Variants in ITFG1 observed in about 807,000 individuals in gnomAD.
The protein encoded by ITFG1 is T-cell immunomodulatory protein.
Under a neutral mutation model 81.8 loss-of-function variants are expected in ITFG1, and 34 were observed. The observed-to-expected ratio is 0.42, with a 90% CI of 0.32 to 0.55. The LOEUF (loss-of-function observed/expected upper bound fraction) is 0.55, where lower values mean the gene tolerates loss of function less well. Ranked by LOEUF, ITFG1 falls within the 20% of genes least tolerant of loss-of-function variation. ITFG1 has a pLI of 0.17. For missense variants in ITFG1, 672 were observed against 755.4 expected, an observed-to-expected ratio of 0.89 and a Z score of 1.29; for synonymous variants, 285 against 270.6, an observed-to-expected ratio of 1.05 and a Z score of -0.52.
intron 8 of ITFG1, among the ~76,000 whole-genome samples, chr16:47,354,262 G>C (rs1968008438): frequency 1.3e-5 from 2 of 152,154 alleles, no homozygotes; most frequent in East Asian, 3.9e-4. Context: ...TCTACAGCCA[G>C]CTGATCTTTG....
In ITFG1 at chr16:47,446,366, G is replaced by A. The variant is rs1422521007; in HGVS notation, c.560+5030C>T. 2.0e-5 allele frequency among the ~76,000 whole-genome samples: 3 copies of A among 152,134 alleles called. No homozygotes were observed. The East Asian group carries it at 5.8e-4, about 29-fold the overall frequency. On this transcript the variant is annotated intron_variant, in intron 5 of 17. Transcript: ENST00000320640. ...CTGGATAAATCTTAAGGACCTCTCA[G>A]CAATAATGTCTCAGGTACATAAGAG...
intron 13 of ITFG1, among the ~76,000 whole-genome samples, chr16:47,226,141 AAT>A (rs1384858600): frequency 6.6e-6 from 1 of 152,378 alleles, no homozygotes; most frequent in East Asian, 1.9e-4. Context: ...AAGCTGGATT[AAT>A]ATGAACTAGA....
chr16:47,271,050 C>T (rs1051218097), intron 10 of ITFG1, among the ~76,000 whole-genome samples: 2 of 152,044 alleles, frequency 1.3e-5, no homozygotes, highest in African/African-American at 4.8e-5. Context: ...ATTTACTCTG[C>T]CAATTAAACC....
At chr16:47,229,815 G>GA (rs1965796051) in intron 13 of ITFG1, among the ~76,000 whole-genome samples, 1 of 152,288 alleles carries the variant, frequency 6.6e-6, no homozygotes, top group Non-Finnish European at 1.5e-5. Flanking sequence ...TGATGTTCAG[G>GA]AAAGTGGTTG....
intron 8 of ITFG1, among the ~76,000 whole-genome samples, chr16:47,349,801 T>C (rs150302483): frequency 1.1e-4 from 16 of 152,270 alleles, no homozygotes; most frequent in Non-Finnish European, 2.2e-4. Flanking sequence ...ACTGACCACA[T>C]AGTTGGAAGT....
chr16:47,380,672 G>A (rs1347986323), intron 6 of ITFG1, among the ~76,000 whole-genome samples: 1 of 152,146 alleles, frequency 6.6e-6, no homozygotes, highest in Non-Finnish European at 1.5e-5. Flanking sequence ...AGATTTGGTG[G>A]CTTGGCGACT....
At chr16:47,324,028 A>T (rs373022687) in intron 8 of ITFG1, among the ~76,000 whole-genome samples, 80 of 152,332 alleles carry the variant, frequency 5.3e-4, no homozygotes, top group African/African-American at 1.8e-3. Flanking sequence ...AAATATGTGT[A>T]TATTTAACTA....
chr16:47,352,038 C>T (rs921422065), intron 8 of ITFG1, among the ~76,000 whole-genome samples: 65 of 152,196 alleles, frequency 4.3e-4, no homozygotes, highest in African/African-American at 1.5e-3. Context: ...CCCTTCCTTA[C>T]ACCTTATACA....
intron 6 of ITFG1, among the ~76,000 whole-genome samples, chr16:47,386,790 A>C (rs889377285): frequency 7.2e-5 from 11 of 152,240 alleles, no homozygotes; most frequent in African/African-American, 2.7e-4. Context: ...GTCAGGCTGT[A>C]ACAGGCAGCT....
At chr16:47,351,734 A>C (rs1482850413) in intron 8 of ITFG1, among the ~76,000 whole-genome samples, 2 of 152,188 alleles carry the variant, frequency 1.3e-5, no homozygotes, top group African/African-American at 4.8e-5. Flanking sequence ...ACGGAACCAA[A>C]AAAGAGCCCG....
intron 6 of ITFG1, among the ~76,000 whole-genome samples, chr16:47,378,911 A>T (rs1311337993): frequency 6.6e-6 from 1 of 152,206 alleles, no homozygotes; most frequent in Non-Finnish European, 1.5e-5. Flanking sequence ...TCACAAAATA[A>T]AATTAAGGAA....
At chr16:47,233,341 G>C (rs1965837072) in intron 13 of ITFG1, among the ~76,000 whole-genome samples, 1 of 152,186 alleles carries the variant, frequency 6.6e-6, no homozygotes. Flanking sequence ...CAAAGATGGA[G>C]CCAATACAGG....
At chr16:47,324,872 C>A (rs1476212349) in intron 8 of ITFG1, among the ~76,000 whole-genome samples, 1 of 152,142 alleles carries the variant, frequency 6.6e-6, no homozygotes, top group Non-Finnish European at 1.5e-5. Context: ...TAGACTCCCA[C>A]ACAATAATAA....
At chr16:47,270,292 T>C (rs1312671506) in intron 10 of ITFG1, among the ~76,000 whole-genome samples, 1 of 152,178 alleles carries the variant, frequency 6.6e-6, no homozygotes, top group Admixed American at 6.5e-5. Context: ...CAAGAAAATA[T>C]TTGCAAATGA....
intron 12 of ITFG1, 85 bp downstream of exon 12, chr16:47,258,547 C>T: frequency 1.5e-6 from 1 of 688,148 alleles, no homozygotes; most frequent in Middle Eastern, 2.5e-4. Context: ...GAGGGTTGTA[C>T]ATCGGAGCAT....
intron 6 of ITFG1, among the ~76,000 whole-genome samples, chr16:47,390,659 C>A (rs892508927): frequency 6.6e-6 from 1 of 152,060 alleles, no homozygotes; most frequent in African/African-American, 2.4e-5. Flanking sequence ...GGGGTTTCAC[C>A]ATGTTGGCCA....
intron 6 of ITFG1, among the ~76,000 whole-genome samples, chr16:47,399,311 C>T (rs1238138575): frequency 6.6e-6 from 1 of 152,192 alleles, no homozygotes; most frequent in African/African-American, 2.4e-5. Flanking sequence ...CAGTGGCTTA[C>T]GCCTGTAATC....
At chr16:47,334,010 C>T (rs190536577) in intron 8 of ITFG1, among the ~76,000 whole-genome samples, 94 of 152,152 alleles carry the variant, frequency 6.2e-4, no homozygotes, top group Non-Finnish European at 7.1e-4. Flanking sequence ...GTATTTTGGC[C>T]CACCAGTAAG....
At chr16:47,409,374 C>CTATATATATCTA (rs1555514884) in intron 6 of ITFG1, among the ~76,000 whole-genome samples, 1 of 20,986 alleles carries the variant, frequency 4.8e-5, no homozygotes, top group African/African-American at 2.7e-4. Context: ...TACACACACA[C>CTATATATATCTA]TATATATATA....
Sources: gnomAD v4.1 joint callset for allele counts (sites outside exome capture counted in the v4.1 genomes callset) on GRCh38, gnomAD v4.1.1 for gene constraint, MANE v1.5 for transcripts, NCBI Gene and HGNC (gene_info 2026-07-23, HGNC 2026-07-21) for gene names.